FSTL4: variants seen among roughly 807,000 people sequenced by gnomAD.
The protein encoded by FSTL4 is follistatin-related protein 4.
A neutral mutation model predicts 78.2 loss-of-function variants in FSTL4; 28 were observed. That is an observed-to-expected ratio of 0.36 (90% CI 0.27 to 0.49). The LOEUF is 0.49. Ranked by LOEUF, FSTL4 falls within the 20% of genes least tolerant of loss-of-function variation. The pLI, the probability that FSTL4 is intolerant of heterozygous loss-of-function variation, is 0.98. For missense variants in FSTL4, 922 were observed against 1,084.9 expected, an observed-to-expected ratio of 0.85 and a Z score of 2.11; for synonymous variants, 422 against 440.5, an observed-to-expected ratio of 0.96 and a Z score of 0.53.
At chr5:133,433,949 T>G (rs1244252599) in intron 3 of FSTL4, among the ~76,000 whole-genome samples, 1 of 151,068 alleles carries the variant, frequency 6.6e-6, no homozygotes, top group Non-Finnish European at 1.5e-5. Flanking sequence ...CTCCGAGCCA[T>G]GGCAAAGGGA....
intron 2 of FSTL4, among the ~76,000 whole-genome samples, chr5:133,596,269 T>C (rs928030468): frequency 6.6e-6 from 1 of 152,192 alleles, no homozygotes; most frequent in African/African-American, 2.4e-5. Context: ...CCCAGGCCCC[T>C]GGCTGGGGCT....
intron 14 of FSTL4, among the ~76,000 whole-genome samples, chr5:133,205,020 T>TC (rs1310936263): frequency 6.6e-6 from 1 of 152,110 alleles, no homozygotes; most frequent in Non-Finnish European, 1.5e-5. Flanking sequence ...ATAATGCATA[T>TC]CCTAGACTTT....
the FSTL4 span, among the ~76,000 whole-genome samples, chr5:133,666,864 A>C: frequency 6.6e-6 from 1 of 152,216 alleles, no homozygotes; most frequent in Non-Finnish European, 1.5e-5. Flanking sequence ...TTCTGAAAAC[A>C]TTGCCACAGT....
At chr5:133,602,868 G>A (rs1487767811) in intron 2 of FSTL4, among the ~76,000 whole-genome samples, 1 of 152,194 alleles carries the variant, frequency 6.6e-6, no homozygotes, top group African/African-American at 2.4e-5. Context: ...GAGAAATCAT[G>A]TCTTTTGATC....
At chr5:133,333,045 TACAC>T (rs935447484) in intron 4 of FSTL4, among the ~76,000 whole-genome samples, 1 of 152,012 alleles carries the variant, frequency 6.6e-6, no homozygotes, top group Non-Finnish European at 1.5e-5. Context: ...TGCACACACA[TACAC>T]ACACACTCAC....
At chr5:133,331,601 A>G (rs1371218419) in intron 4 of FSTL4, among the ~76,000 whole-genome samples, 1 of 152,196 alleles carries the variant, frequency 6.6e-6, no homozygotes, top group Admixed American at 6.5e-5. Context: ...GTGCTCTTAC[A>G]TGAGCTTGGC....
chr5:133,467,585 G>C (rs1346367831), intron 3 of FSTL4, among the ~76,000 whole-genome samples: 1 of 152,196 alleles, frequency 6.6e-6, no homozygotes, highest in Non-Finnish European at 1.5e-5. Flanking sequence ...GCAGAAATCT[G>C]GGTCACAGAG....
At chr5:133,381,181 T>C (rs1161742570) in intron 4 of FSTL4, among the ~76,000 whole-genome samples, 1 of 152,176 alleles carries the variant, frequency 6.6e-6, no homozygotes, top group African/African-American at 2.4e-5. Flanking sequence ...CTTTCACAGG[T>C]GCACAGGAAG....
chr5:133,391,051 A>G (rs1485084369), intron 4 of FSTL4, among the ~76,000 whole-genome samples: 1 of 152,164 alleles, frequency 6.6e-6, no homozygotes, highest in Non-Finnish European at 1.5e-5. Context: ...TCTAGAAAAG[A>G]GCATGAAAGT....
chr5:133,309,068 G>C (rs1422171906), intron 6 of FSTL4, among the ~76,000 whole-genome samples: 2 of 152,190 alleles, frequency 1.3e-5, no homozygotes, highest in Admixed American at 1.3e-4. Flanking sequence ...TGAGCACTCA[G>C]AACAGTGCAA....
chr5:133,404,724 C>T (rs192112224), intron 3 of FSTL4, among the ~76,000 whole-genome samples: 3 of 152,214 alleles, frequency 2.0e-5, no homozygotes, highest in East Asian at 1.9e-4. Flanking sequence ...CGTCTGACCC[C>T]GGTGGAAGGC....
Position 133,304,442 on chromosome 5 carries a change from C to T in FSTL4, c.727+8212G>A, listed in dbSNP as rs149932441. ...TGAAGGACAAGGTTTCCAGCCACCC[C>T]GTTCCTGCCTCTCCCTCCAAGAGGA... is the stretch of plus-strand genomic sequence containing the variant. On this transcript the variant is annotated intron_variant, in intron 6 of 15. Transcript: ENST00000265342. 8.5e-5 allele frequency among the ~76,000 whole-genome samples: 13 copies of T among 152,246 alleles called. No individual in the cohort carries two copies. In the East Asian group the frequency reaches 1.2e-3, roughly 14 times the overall value.
the FSTL4 span, among the ~76,000 whole-genome samples, chr5:133,729,005 T>A: frequency 6.6e-6 from 1 of 151,958 alleles, no homozygotes; most frequent in East Asian, 1.9e-4. Flanking sequence ...GGGGAACAGC[T>A]CTGAGGAAAA....
chr5:133,416,759 G>A (rs1756587100), intron 3 of FSTL4, among the ~76,000 whole-genome samples: 1 of 152,146 alleles, frequency 6.6e-6, no homozygotes, highest in African/African-American at 2.4e-5. Context: ...GAAATAAGTG[G>A]CCTGTAATTT....
chr5:133,641,430 T>C, the FSTL4 span, among the ~76,000 whole-genome samples: 3 of 152,310 alleles, frequency 2.0e-5, no homozygotes, highest in African/African-American at 7.2e-5. Flanking sequence ...TAACAACTGT[T>C]TTAAAAATGA....
At chr5:133,230,667 T>G (rs1201140912) in intron 8 of FSTL4, among the ~76,000 whole-genome samples, 1 of 152,074 alleles carries the variant, frequency 6.6e-6, no homozygotes. Flanking sequence ...CTGCTCCACC[T>G]CCGGTGCCCC....
chr5:133,400,694 C>T, intron 4 of FSTL4, 44 bp downstream of exon 4: 4 of 1,580,410 alleles, frequency 2.5e-6, no homozygotes, highest in Non-Finnish European at 3.5e-6. Flanking sequence ...ATTGGAAGAC[C>T]CATCACAAAA....
At chr5:133,215,315 C>G (rs889354045) in intron 13 of FSTL4, among the ~76,000 whole-genome samples, 2 of 152,186 alleles carry the variant, frequency 1.3e-5, no homozygotes, top group African/African-American at 4.8e-5. Context: ...TCTGTCTATA[C>G]CACCTCTTGG....
At chr5:133,711,579 A>C in the FSTL4 span, among the ~76,000 whole-genome samples, 1 of 152,218 alleles carries the variant, frequency 6.6e-6, no homozygotes, top group Non-Finnish European at 1.5e-5. Context: ...TCCAGAAAGA[A>C]AGGACTGTTC....
Sources: allele counts gnomAD v4.1 joint callset (sites outside exome capture counted in the v4.1 genomes callset), GRCh38; gene constraint gnomAD v4.1.1; transcripts MANE v1.5; gene names NCBI Gene and HGNC (gene_info 2026-07-23, HGNC 2026-07-21).